EVL: variants seen among roughly 807,000 people sequenced by gnomAD.
The protein encoded by EVL is Enah/Vasp-like, also known as ena/VASP-like protein.
EVL carries 21 observed loss-of-function variants against 59.6 expected under a neutral mutation model. The ratio of observed to expected loss-of-function variants is 0.35; its 90% confidence interval spans 0.25 to 0.51. The LOEUF (loss-of-function observed/expected upper bound fraction) is 0.51, where lower values mean the gene tolerates loss of function less well. EVL is among the 20% of genes least tolerant of loss of function. The pLI is 0.97. For synonymous variants in EVL, 198 were observed against 203.5 expected, an observed-to-expected ratio of 0.97 and a Z score of 0.23; for missense variants, 462 against 546.6, an observed-to-expected ratio of 0.85 and a Z score of 1.54.
intron 6 of EVL, 21 bp from the exon 7 acceptor site, chr14:100,129,542 C>T (rs541896738): frequency 1.6e-5 from 25 of 1,612,788 alleles, no homozygotes; most frequent in Admixed American, 1.2e-4. Flanking sequence ...GAATCTAAAA[C>T]GCGGCCTCCT....
chr14:100,103,968 G>T (rs1025221552), intron 3 of EVL, among the ~76,000 whole-genome samples: 1 of 152,124 alleles, frequency 6.6e-6, no homozygotes, highest in Non-Finnish European at 1.5e-5. Flanking sequence ...GCGTGTGAGC[G>T]TGTGTGTGTG....
In EVL at chr14:100,010,374, G is replaced by A. The variant is rs150300638; in HGVS notation, c.5+38317G>A. Among the ~76,000 whole-genome samples the A allele has an allele frequency of 4.4e-3, 665 of 152,214 alleles. 6 individuals are homozygous for A. Among genetic ancestry groups the A allele is most frequent in the Middle Eastern group, 0.027 (8 of 294 alleles). Reference sequence around the variant, plus strand: ...CAAGATAAAAAATCAGAACTTGGTCGTCATTATTGTGCTAGTTAGTGTGGG... The same window carrying A: ...CAAGATAAAAAATCAGAACTTGGTCATCATTATTGTGCTAGTTAGTGTGGG... On this transcript the variant is annotated intron_variant, in intron 1 of 13. Coordinates refer to the EVL transcript ENST00000402714.
rs755961545 is a variant in EVL, at chr14:100,136,035, G to A, written c.964+67G>A. On this transcript the variant is annotated intron_variant, in intron 9 of 13. Coordinates refer to ENST00000392920, the MANE Select transcript of EVL (RefSeq NM_016337.3). ...CTCAGAGTGGGAGGGGGGACCCTTC[G>A]GACAGGACCCTCTGATCCAGCCTCT... is the stretch of plus-strand genomic sequence containing the variant. The A allele has an allele frequency of 1.2e-4, 189 of 1,556,184 alleles. 3 individuals carry two copies. The highest frequency in any genetic ancestry group is 3.2e-4 in the South Asian group (29 of 89,916).
intron 2 of EVL, among the ~76,000 whole-genome samples, chr14:100,094,834 G>A (rs1327084159): frequency 2.6e-5 from 4 of 152,136 alleles, no homozygotes; most frequent in Non-Finnish European, 4.4e-5. Context: ...GAGGTCAGGA[G>A]ATTGAGACCA....
intron 1 of EVL, among the ~76,000 whole-genome samples, chr14:99,991,859 AGTT>A (rs981107381): frequency 6.6e-6 from 1 of 150,714 alleles, no homozygotes; most frequent in Admixed American, 6.6e-5. Flanking sequence ...GGCTATTAGT[AGTT>A]AAGATTTTGG....
chr14:100,047,114 CTCTCTTTTTTTTTTTTT>C (rs758986495), intron 1 of EVL, among the ~76,000 whole-genome samples: 2 of 95,100 alleles, frequency 2.1e-5, no homozygotes, highest in Non-Finnish European at 3.9e-5. Context: ...GCAGATCTCT[CTCTCTTTTTTTTTTTTT>C]TTTTTTTTTT....
At chr14:100,140,341 G>T (rs6575764) in intron 11 of EVL, 131,562 of 152,224 alleles carry the variant, frequency 0.86, 57,182 homozygotes, top group East Asian at 1. Flanking sequence ...CCAGGTGCAG[G>T]GGCTCACGCC....
At chr14:100,085,793 T>C (rs1023708648) in intron 2 of EVL, among the ~76,000 whole-genome samples, 3 of 152,192 alleles carry the variant, frequency 2.0e-5, no homozygotes, top group Admixed American at 2.0e-4. Flanking sequence ...ATGATGCTCA[T>C]GGCTAACAGA....
At chr14:100,016,891 G>A (rs1456316992) in intron 1 of EVL, among the ~76,000 whole-genome samples, 1 of 152,126 alleles carries the variant, frequency 6.6e-6, no homozygotes, top group Non-Finnish European at 1.5e-5. Context: ...GAAATTTGGG[G>A]ATTCACCTGG....
At chr14:100,141,037 T>A in intron 11 of EVL, 143 bp from the exon 12 acceptor site, 3 of 668,316 alleles carry the variant, frequency 4.5e-6, no homozygotes, top group Non-Finnish European at 7.5e-6. Flanking sequence ...TCTCAGGCAG[T>A]CTGAGGTGGC....
intron 1 of EVL, among the ~76,000 whole-genome samples, chr14:100,040,507 A>G (rs548086471): frequency 1.6e-4 from 25 of 152,320 alleles, no homozygotes; most frequent in African/African-American, 5.1e-4. Flanking sequence ...GAAAGCAGCC[A>G]TCTGGGCAGG....
At chr14:100,139,915 A>C (rs1566733890) in intron 11 of EVL, 1 of 152,234 alleles carries the variant, frequency 6.6e-6, no homozygotes, top group Non-Finnish European at 1.5e-5. Flanking sequence ...CAGAGAGACA[A>C]GCATTTTGCC....
intron 1 of EVL, among the ~76,000 whole-genome samples, chr14:100,071,249 A>G (rs1274708926): frequency 6.6e-6 from 1 of 152,220 alleles, no homozygotes; most frequent in Admixed American, 6.5e-5. Flanking sequence ...CACTCTCAAA[A>G]ATGGGGCTCA....
chr14:100,058,638 G>C (rs1295159392), intron 1 of EVL, among the ~76,000 whole-genome samples: 2 of 152,064 alleles, frequency 1.3e-5, no homozygotes, highest in Non-Finnish European at 2.9e-5. Flanking sequence ...TGCAGTACAT[G>C]GTTATTTATA....
chr14:100,109,384 A>G lies in EVL; in HGVS notation c.358+11726A>G, dbSNP rs999171163. The stretch of plus-strand genomic sequence containing the variant: ...CAGAAGACCTCAGGCACCCCTTCCC[A>G]GTCCTCGCACACTGTTGGTGTCCCA... On this transcript the variant is annotated intron_variant, in intron 3 of 13. Coordinates refer to ENST00000392920, the MANE Select transcript of EVL (RefSeq NM_016337.3). The surrounding 1 kb of genome is among the most constrained non-coding windows in gnomAD (Gnocchi z 4.3). The G allele has an allele frequency of 5.6e-6, 2 of 359,426 alleles. No homozygotes were observed. Among genetic ancestry groups the G allele is most frequent in the Admixed American group, 3.8e-5 (1 of 26,608 alleles). The allele number at this position is 359,426 out of a possible 1,614,324, so 22.3% of individuals were successfully genotyped here. A position where few individuals can be genotyped will look rare whatever the true frequency, so the allele number is the denominator to read the frequency against.
At chr14:100,132,237 A>G (rs1344602120) in intron 7 of EVL, among the ~76,000 whole-genome samples, 1 of 149,332 alleles carries the variant, frequency 6.7e-6, no homozygotes, top group Admixed American at 6.7e-5. Context: ...TCTGAGTGGC[A>G]TTCTAGATTG....
chr14:100,106,764 T>C (rs374166708), intron 3 of EVL: 2 of 398,146 alleles, frequency 5.0e-6, no homozygotes, highest in African/African-American at 4.1e-5. Flanking sequence ...TGCATCTGTG[T>C]CTTGCCTGGT....
At chr14:100,003,565 T>A (rs2060959341) in intron 1 of EVL, among the ~76,000 whole-genome samples, 1 of 152,016 alleles carries the variant, frequency 6.6e-6, no homozygotes, top group Non-Finnish European at 1.5e-5. Context: ...TACAGGCATG[T>A]GCCACCATTC....
chr14:100,068,297 A>T (rs1041758194), intron 1 of EVL, among the ~76,000 whole-genome samples: 1 of 152,168 alleles, frequency 6.6e-6, no homozygotes, highest in Non-Finnish European at 1.5e-5. Context: ...AAAAATACAG[A>T]GGCTGGAGCA....
Sources: gnomAD v4.1 joint callset for allele counts (sites outside exome capture counted in the v4.1 genomes callset) on GRCh38, gnomAD v4.1.1 for gene constraint, Gnocchi (gnomAD v3.1) non-coding constraint, MANE v1.5 for transcripts, NCBI Gene and HGNC (gene_info 2026-07-23, HGNC 2026-07-21) for gene names.